Variants in ABLIM2 observed in about 807,000 individuals in gnomAD.
ABLIM2 encodes the protein actin binding LIM protein family member 2.
In ABLIM2, 53 loss-of-function variants were observed where a neutral mutation model predicts 97.7. The observed-to-expected ratio is 0.54, with a 90% CI of 0.44 to 0.68. The LOEUF is 0.68. ABLIM2 is among the 30% of genes least tolerant of loss of function. ABLIM2 has a pLI of 0.00. For synonymous variants in ABLIM2, 361 were observed against 345.8 expected, an observed-to-expected ratio of 1.04 and a Z score of -0.49; for missense variants, 835 against 867.2, an observed-to-expected ratio of 0.96 and a Z score of 0.47.
At chr4:8,144,505 A>C (rs1851487009) in intron 1 of ABLIM2, among the ~76,000 whole-genome samples, 1 of 152,206 alleles carries the variant, frequency 6.6e-6, no homozygotes. Context: ...AAGGCTTGTG[A>C]AAGCCTCGCA....
chr4:8,034,614 TGGTA>T (rs1783144699), intron 10 of ABLIM2, among the ~76,000 whole-genome samples: 1 of 9,846 alleles, frequency 1.0e-4, no homozygotes, highest in Non-Finnish European at 1.9e-4. Flanking sequence ...GGTGGGTGGG[TGGTA>T]GGTAGGTGGG....
At chr4:8,153,682 C>T (rs777892133) in intron 1 of ABLIM2, among the ~76,000 whole-genome samples, 29 of 150,926 alleles carry the variant, frequency 1.9e-4, no homozygotes, top group Admixed American at 3.9e-4. Context: ...GGGCTTCTCC[C>T]GGAGTGATGG....
Position 8,018,168 on chromosome 4 carries a change from A to T in ABLIM2, c.1423+1450T>A, listed in dbSNP as rs138874626. On this transcript the variant is annotated intron_variant, in intron 14 of 20. Transcript: ENST00000447017. ...CTCTCTTCCCCTTTCTAAGGGGCAG[A>T]CCCCCTCCTGTCCTGCACATGTTAA... 2.9e-4 allele frequency among the ~76,000 whole-genome samples: 44 copies of T among 152,004 alleles called. No homozygotes were observed. In the East Asian group the frequency reaches 7.5e-3, roughly 26 times the overall value.
At position 8,009,085 on chromosome 4, in the gene ABLIM2, C is replaced by G. The variant is rs1231660606; in HGVS notation, c.1441G>C (p.Gly481Arg). Residue 481 changes from glycine (G) to arginine (R), a missense_variant, in exon 15 of 21, where the codon GGG becomes CGG. Coordinates refer to ENST00000447017, the MANE Select transcript of ABLIM2 (RefSeq NM_001130083.2). ...YRQHAARRSD[G>R]EDGSLDQDNR... ...TCCTGGTCCAAGCTTCCATCCTCCC[C>G]ATCCGATCGCCTGGCAGCTGGAAGG... 1.2e-6 allele frequency: 2 copies of G among 1,614,062 alleles called. No individual in the cohort carries two copies. The highest frequency in any genetic ancestry group is 1.7e-5 in the Admixed American group (1 of 60,030).
chr4:8,133,992 G>C (rs56021360), intron 1 of ABLIM2, among the ~76,000 whole-genome samples: 37 of 152,230 alleles, frequency 2.4e-4, no homozygotes, highest in African/African-American at 7.5e-4. Context: ...TTGCAGGGGG[G>C]GGTGACGAAC....
chr4:8,124,521 C>T lies in ABLIM2; in HGVS notation c.11-17884G>A, dbSNP rs62289397. 0.056 allele frequency among the ~76,000 whole-genome samples: 8,574 copies of T among 152,242 alleles called. 313 individuals carry two copies. The highest frequency in any genetic ancestry group is 0.081 in the Non-Finnish European group (5,527 of 68,012). On this transcript the variant is annotated intron_variant, in intron 1 of 20. Coordinates refer to ENST00000447017, the MANE Select transcript of ABLIM2 (RefSeq NM_001130083.2). This position sits in a 1 kb window ranked among gnomAD's most constrained non-coding sequence, Gnocchi z 6.1. ...GAATCCCACACTGCGTGGTCCTTCG[C>T]GACTGGCTTCTTTCACTCGGCGTCA...
In ABLIM2 at chr4:8,015,674, C is replaced by T. The variant is rs35139996; in HGVS notation, c.1423+3944G>A. Reference sequence around the variant, plus strand: ...GGTGGGCAGGAGTGACAGCCCCCACCTGCCGGACAAGTGGTGGGAGGTGTG... The same window carrying T: ...GGTGGGCAGGAGTGACAGCCCCCACTTGCCGGACAAGTGGTGGGAGGTGTG... On this transcript the variant is annotated intron_variant, in intron 14 of 20. Transcript: ENST00000447017. This position sits in a 1 kb window ranked among gnomAD's most constrained non-coding sequence, Gnocchi z 4.6. 6.6e-6 allele frequency among the ~76,000 whole-genome samples: 1 copy of T among 151,980 alleles called. No individual in the cohort carries two copies. Among genetic ancestry groups the T allele is most frequent in the African/African-American group, 2.4e-5 (1 of 41,378 alleles).
Position 8,054,242 on chromosome 4 carries a change from G to C in ABLIM2, c.768C>G (p.Ser256=), listed in dbSNP as rs778878691. 6.2e-7 allele frequency: 1 copy of C among 1,613,914 alleles called. No homozygotes were observed. Among genetic ancestry groups the C allele is most frequent in the African/African-American group, 1.3e-5 (1 of 74,940 alleles). ...AEGEEMYLQG[S]SIWHPACRQA... Reference sequence around the variant, plus strand: ...GTCGACACGCCGGATGCCAGATGGAGGAACCTGTTGACAAATTCCCAAGAG... The same window carrying C: ...GTCGACACGCCGGATGCCAGATGGACGAACCTGTTGACAAATTCCCAAGAG... Residue 256 remains serine, a synonymous_variant, in exon 8 of 21, where the codon TCC becomes TCG. Transcript: ENST00000447017. This position sits in a 1 kb window ranked among gnomAD's most constrained non-coding sequence, Gnocchi z 4.9.
intron 8 of ABLIM2, among the ~76,000 whole-genome samples, chr4:8,045,860 G>A (rs762109915): frequency 9.9e-5 from 15 of 152,042 alleles, no homozygotes; most frequent in African/African-American, 2.7e-4. Context: ...ATGGGGACTC[G>A]CTGCAGCTTA....
chr4:8,117,840 G>A (rs541362437), intron 1 of ABLIM2, among the ~76,000 whole-genome samples: 7 of 152,266 alleles, frequency 4.6e-5, no homozygotes, highest in South Asian at 4.2e-4. Flanking sequence ...ATCCCCCCAC[G>A]CAGCGTCCTG....
chr4:8,152,023 C>T (rs1456326140), intron 1 of ABLIM2, among the ~76,000 whole-genome samples: 3 of 152,146 alleles, frequency 2.0e-5, no homozygotes, highest in African/African-American at 7.2e-5. Flanking sequence ...TCTTGTCCTG[C>T]CTCCTGGCTC....
intron 8 of ABLIM2, among the ~76,000 whole-genome samples, chr4:8,053,863 C>T (rs1045508483): frequency 7.9e-5 from 12 of 152,260 alleles, no homozygotes; most frequent in African/African-American, 2.4e-4. Flanking sequence ...TGCCACGGGA[C>T]GGCTCTCATC....
rs190402769 is a variant in ABLIM2 at position 8,001,380 on chromosome 4, G to C, written c.1618+6679C>G. 3.9e-4 allele frequency among the ~76,000 whole-genome samples: 60 copies of C among 152,252 alleles called. No individual in the cohort carries two copies. The East Asian group carries it at 0.01, about 26-fold the overall frequency. ...AGGTGTGGATAAGCCTGCTGGGCAGGGGGAGGTGTGGGGATTCCGGCTGAA... is the reference window on the plus strand; with the variant it reads ...AGGTGTGGATAAGCCTGCTGGGCAGCGGGAGGTGTGGGGATTCCGGCTGAA... On this transcript the variant is annotated intron_variant, in intron 16 of 20. Coordinates refer to ENST00000447017, the MANE Select transcript of ABLIM2 (RefSeq NM_001130083.2). The surrounding 1 kb of genome is among the most constrained non-coding windows in gnomAD (Gnocchi z 4.2).
At chr4:7,985,668 T>G (rs1743306290) in intron 17 of ABLIM2, among the ~76,000 whole-genome samples, 1 of 152,062 alleles carries the variant, frequency 6.6e-6, no homozygotes, top group Non-Finnish European at 1.5e-5. Flanking sequence ...TCACCTGGCA[T>G]GTTGTAAGTA....
chr4:8,047,527 G>A (rs1342280705), intron 8 of ABLIM2, among the ~76,000 whole-genome samples: 2 of 152,194 alleles, frequency 1.3e-5, no homozygotes, highest in East Asian at 3.9e-4. Flanking sequence ...CTGCAGGCTG[G>A]CAGGGGCTGG....
chr4:8,017,042 G>A (rs1187781074), intron 14 of ABLIM2, among the ~76,000 whole-genome samples: 2 of 152,100 alleles, frequency 1.3e-5, no homozygotes, highest in Non-Finnish European at 2.9e-5. Context: ...AAAGTAACTG[G>A]GTTTAATACC....
At chr4:8,051,283 T>C (rs1407332044) in intron 8 of ABLIM2, among the ~76,000 whole-genome samples, 1 of 152,100 alleles carries the variant, frequency 6.6e-6, no homozygotes, top group Non-Finnish European at 1.5e-5. Context: ...GCGTGGTAGC[T>C]CACGCCTGTA....
At position 8,122,232 on chromosome 4, in the gene ABLIM2, T is replaced by C. The variant is rs1293008891; in HGVS notation, c.11-15595A>G. Among the ~76,000 whole-genome samples the C allele has an allele frequency of 2.0e-5, 3 of 152,108 alleles. No individual in the cohort carries two copies. Among genetic ancestry groups the C allele is most frequent in the Admixed American group, 2.0e-4 (3 of 15,274 alleles). Reference sequence around the variant, plus strand: ...GGGGAGTCTCGCTGCCCCCTGTGCATCTCCATCATATCCGAATGGCCTGGT... The same window carrying C: ...GGGGAGTCTCGCTGCCCCCTGTGCACCTCCATCATATCCGAATGGCCTGGT... On this transcript the variant is annotated intron_variant, in intron 1 of 20. Coordinates refer to ENST00000447017, the MANE Select transcript of ABLIM2 (RefSeq NM_001130083.2). This position sits in a 1 kb window ranked among gnomAD's most constrained non-coding sequence, Gnocchi z 4.1.
Position 8,024,168 on chromosome 4 carries a change from T to G in ABLIM2, c.1267+3591A>C, listed in dbSNP as rs542551491. ...CATCCCAGGGCCCCTCCCTCCTTCC[T>G]TCTCAGGCCAGGGGTTCAGAGTGGG... On this transcript the variant is annotated intron_variant, in intron 12 of 20. Coordinates refer to ENST00000447017, the MANE Select transcript of ABLIM2 (RefSeq NM_001130083.2). Among the ~76,000 whole-genome samples, 14 of 152,300 alleles carry G rather than the reference T, an allele frequency of 9.2e-5. No individual in the cohort carries two copies. In the South Asian group the frequency reaches 2.5e-3, roughly 27 times the overall value.
Sources: allele counts gnomAD v4.1 joint callset (sites outside exome capture counted in the v4.1 genomes callset), GRCh38; gene constraint gnomAD v4.1.1; non-coding constraint Gnocchi (gnomAD v3.1); transcripts MANE v1.5; gene names NCBI Gene and HGNC (gene_info 2026-07-23, HGNC 2026-07-21).